The following CNBD1 variants were observed in gnomAD, a reference collection of about 807,000 sequenced individuals.
The protein encoded by CNBD1 is cyclic nucleotide-binding domain-containing protein 1.
CNBD1 carries 71 observed loss-of-function variants against 54.4 expected under a neutral mutation model. The ratio of observed to expected loss-of-function variants is 1.30; its 90% CI spans 1.08 to 1.59. CNBD1 has a LOEUF of 1.59. Ranked by LOEUF, CNBD1 falls within the 40% of genes most tolerant of loss-of-function variation. The probability of loss-of-function intolerance (pLI) is 0.00; values close to 1 mark genes in which losing one functional copy is unlikely to be tolerated. For synonymous variants in CNBD1, 182 were observed against 170.7 expected, an observed-to-expected ratio of 1.07 and a Z score of -0.51; for missense variants, 659 against 518.0, an observed-to-expected ratio of 1.27 and a Z score of -2.64.
intron 6 of CNBD1, among the ~76,000 whole-genome samples, chr8:87,275,387 T>C (rs1445371491): frequency 6.6e-6 from 1 of 151,912 alleles, no homozygotes; most frequent in Non-Finnish European, 1.5e-5. Context: ...TTTCACGATA[T>C]TGATTCTTCC....
At chr8:86,927,794 G>T (rs1050673869) in intron 3 of CNBD1, among the ~76,000 whole-genome samples, 1 of 152,134 alleles carries the variant, frequency 6.6e-6, no homozygotes, top group Admixed American at 6.5e-5. Context: ...GTAGGAAGGG[G>T]TTTTTCCTCA....
At chr8:87,347,197 T>G (rs951860081) in intron 8 of CNBD1, among the ~76,000 whole-genome samples, 3 of 152,236 alleles carry the variant, frequency 2.0e-5, no homozygotes, top group African/African-American at 7.2e-5. Flanking sequence ...GTTGCTGTTC[T>G]GCCACCTCAT....
chr8:87,117,244 C>T (rs1318962772), intron 4 of CNBD1, among the ~76,000 whole-genome samples: 1 of 151,554 alleles, frequency 6.6e-6, no homozygotes, highest in Non-Finnish European at 1.5e-5. Flanking sequence ...TAAAAAAATG[C>T]AAAAATTAGC....
At chr8:87,290,151 T>A (rs1808760578) in intron 8 of CNBD1, among the ~76,000 whole-genome samples, 1 of 152,066 alleles carries the variant, frequency 6.6e-6, no homozygotes, top group Non-Finnish European at 1.5e-5. Flanking sequence ...CATTTCCTCC[T>A]TTATATGTTA....
At chr8:87,041,774 G>C (rs561982535) in intron 4 of CNBD1, among the ~76,000 whole-genome samples, 9 of 152,116 alleles carry the variant, frequency 5.9e-5, no homozygotes, top group African/African-American at 2.2e-4. Flanking sequence ...ACTCCAGCCC[G>C]AGCGACAGAG....
chr8:87,371,934 G>C (rs1395624865), intron 10 of CNBD1, among the ~76,000 whole-genome samples: 1 of 151,800 alleles, frequency 6.6e-6, no homozygotes, highest in East Asian at 1.9e-4. Flanking sequence ...GCACAAGACA[G>C]GGACGCCCTC....
At chr8:87,256,013 A>ATTTT (rs1808014014) in intron 6 of CNBD1, among the ~76,000 whole-genome samples, 18 of 18,172 alleles carry the variant, frequency 9.9e-4, no homozygotes, top group Non-Finnish European at 1.2e-3. Context: ...ATATATATAT[A>ATTTT]TATTTTTTTT....
intron 10 of CNBD1, among the ~76,000 whole-genome samples, chr8:87,378,591 G>A (rs1283794596): frequency 7.3e-5 from 11 of 149,754 alleles, no homozygotes; most frequent in African/African-American, 2.8e-4. Flanking sequence ...GTAGTGTGAT[G>A]CCTCCAGCTT....
chr8:87,233,457 A>G (rs1278177674), intron 5 of CNBD1, among the ~76,000 whole-genome samples: 1 of 152,204 alleles, frequency 6.6e-6, no homozygotes, highest in Non-Finnish European at 1.5e-5. Flanking sequence ...TGATTGCATT[A>G]TGTTTAAAAA....
intron 4 of CNBD1, among the ~76,000 whole-genome samples, chr8:87,174,046 C>T (rs1348210079): frequency 6.6e-6 from 1 of 152,022 alleles, no homozygotes; most frequent in Non-Finnish European, 1.5e-5. Flanking sequence ...GCAACCTCCA[C>T]CTCCTAGGTT....
At chr8:87,313,064 C>A (rs1447137987) in intron 8 of CNBD1, among the ~76,000 whole-genome samples, 1 of 151,918 alleles carries the variant, frequency 6.6e-6, no homozygotes, top group African/African-American at 2.4e-5. Flanking sequence ...TCTGATGTTA[C>A]TTAATATTAA....
At chr8:86,951,303 G>T (rs1563834142) in intron 4 of CNBD1, among the ~76,000 whole-genome samples, 1 of 151,702 alleles carries the variant, frequency 6.6e-6, no homozygotes, top group Non-Finnish European at 1.5e-5. Flanking sequence ...GAATATAATA[G>T]ATAGGCTGGG....
At chr8:86,885,609 T>C (rs550586731) in intron 1 of CNBD1, among the ~76,000 whole-genome samples, 1 of 152,218 alleles carries the variant, frequency 6.6e-6, no homozygotes, top group South Asian at 2.1e-4. Flanking sequence ...ATCTGGTCTT[T>C]ACAAAGTTAC....
intron 4 of CNBD1, among the ~76,000 whole-genome samples, chr8:87,046,702 A>C (rs1343581621): frequency 6.6e-6 from 1 of 152,194 alleles, no homozygotes; most frequent in Non-Finnish European, 1.5e-5. Flanking sequence ...ATAAAAATAC[A>C]AAGTATAGTC....
chr8:87,299,664 A>T (rs1808946384), intron 8 of CNBD1, among the ~76,000 whole-genome samples: 1 of 152,238 alleles, frequency 6.6e-6, no homozygotes, highest in African/African-American at 2.4e-5. Flanking sequence ...CTGAAAACTC[A>T]GTCCAAATAC....
At chr8:87,238,757 C>A (rs1370220096) in intron 6 of CNBD1, among the ~76,000 whole-genome samples, 1 of 152,096 alleles carries the variant, frequency 6.6e-6, no homozygotes, top group Non-Finnish European at 1.5e-5. Flanking sequence ...TCAGATTTTT[C>A]TGCCCTCTAA....
At chr8:87,419,965 T>C (rs529569472) in intron 2 of CNBD1, among the ~76,000 whole-genome samples, 1 of 148,730 alleles carries the variant, frequency 6.7e-6, no homozygotes, top group African/African-American at 2.4e-5. Flanking sequence ...TATATATATA[T>C]TTATTATATG....
At chr8:87,290,056 A>G (rs963524289) in intron 8 of CNBD1, among the ~76,000 whole-genome samples, 2 of 152,100 alleles carry the variant, frequency 1.3e-5, no homozygotes, top group Non-Finnish European at 2.9e-5. Flanking sequence ...AGGTCTTACC[A>G]TATAAATTTC....
chr8:87,094,705 A>G (rs1205933590), intron 4 of CNBD1, among the ~76,000 whole-genome samples: 2 of 152,140 alleles, frequency 1.3e-5, no homozygotes, highest in East Asian at 3.9e-4. Context: ...TCAAATTATC[A>G]GGCGCCTTTG....
Sources: allele counts gnomAD v4.1 joint callset (sites outside exome capture counted in the v4.1 genomes callset), GRCh38; gene constraint gnomAD v4.1.1; transcripts MANE v1.5; gene names NCBI Gene and HGNC (gene_info 2026-07-23, HGNC 2026-07-21).